Variants in ACYP1 observed in about 807,000 individuals in gnomAD.
ACYP1 encodes the protein acylphosphatase-1.
A neutral mutation model predicts 10.4 loss-of-function variants in ACYP1; 8 were observed. The ratio of observed to expected loss-of-function variants is 0.77; its 90% confidence interval spans 0.45 to 1.38. The LOEUF (loss-of-function observed/expected upper bound fraction) is 1.38, where lower values mean the gene tolerates loss of function less well. ACYP1 is among the 40% of genes most tolerant of loss of function. The pLI, the probability that ACYP1 is intolerant of heterozygous loss-of-function variation, is 0.00. For missense variants in ACYP1, 93 were observed against 117.3 expected, an observed-to-expected ratio of 0.79 and a Z score of 0.96; for synonymous variants, 38 against 40.8, an observed-to-expected ratio of 0.93 and a Z score of 0.26.
intron 2 of ACYP1, among the ~76,000 whole-genome samples, chr14:75,059,027 G>A (rs575845797): frequency 3.3e-5 from 5 of 151,618 alleles, no homozygotes; most frequent in South Asian, 2.1e-4. Flanking sequence ...GTGAAACCCC[G>A]TCGCTACTAA....
At chr14:75,065,754 A>G (rs960142168), upstream of ACYP1, among the ~76,000 whole-genome samples, 1 of 152,260 alleles carries the variant, frequency 6.6e-6, no homozygotes, top group East Asian at 1.9e-4. Context: ...AAGGACAGAA[A>G]ATATTACAAA....
intron 2 of ACYP1, among the ~76,000 whole-genome samples, chr14:75,056,057 C>T (rs1187765828): frequency 3.3e-5 from 5 of 151,090 alleles, no homozygotes; most frequent in Admixed American, 3.3e-4. Context: ...AGACAAACAA[C>T]CAAAACTGAA....
chr14:75,063,965 TC>T lies in ACYP1; in HGVS notation c.-21del. The T allele has an allele frequency of 1.0e-6, 1 of 996,752 alleles. No individual in the cohort carries two copies. The highest frequency in any genetic ancestry group is 1.2e-6 in the Non-Finnish European group (1 of 836,214). 61.7% of individuals were successfully genotyped at this position (996,752 alleles called of 1,614,324 possible). A position where few individuals can be genotyped will look rare whatever the true frequency, so the allele number is the denominator to read the frequency against. On this transcript the variant is annotated 5_prime_UTR_variant, in exon 1 of 3. Coordinates refer to ENST00000238618, the MANE Select transcript of ACYP1 (RefSeq NM_001107.5). The stretch of plus-strand genomic sequence containing the variant: ...CCCTGGCGGCTCACCCTCCTTGTCT[TC>T]CCCACCGGCTGCCAGGATCACTCCG...
At chr14:75,062,119 A>G (rs1311851566) in intron 2 of ACYP1, among the ~76,000 whole-genome samples, 4 of 149,682 alleles carry the variant, frequency 2.7e-5, no homozygotes, top group Non-Finnish European at 5.9e-5. Flanking sequence ...AAAAAAAAAA[A>G]AAAAAGAAAA....
intron 2 of ACYP1, among the ~76,000 whole-genome samples, chr14:75,062,739 T>C (rs950700783): frequency 6.7e-6 from 1 of 148,340 alleles, no homozygotes; most frequent in African/African-American, 2.5e-5. Flanking sequence ...GGGAAGGCAA[T>C]AGCCAATACC....
chr14:75,066,732 C>G (rs778508648), upstream of ACYP1, among the ~76,000 whole-genome samples: 1 of 152,080 alleles, frequency 6.6e-6, no homozygotes, highest in South Asian at 2.1e-4. Context: ...CACACCTGTA[C>G]TTCCAGCTAC....
At chr14:75,061,372 A>G (rs1893011580) in intron 2 of ACYP1, among the ~76,000 whole-genome samples, 1 of 152,238 alleles carries the variant, frequency 6.6e-6, no homozygotes, top group South Asian at 2.1e-4. Flanking sequence ...AGGAATTTAA[A>G]TAAGAGGCTA....
intron 2 of ACYP1, chr14:75,060,030 A>G: frequency 2.5e-6 from 1 of 395,278 alleles, no homozygotes; most frequent in Non-Finnish European, 4.5e-6. Context: ...TTCTGTAGAT[A>G]AACAGAACAA....
chr14:75,060,406 C>A, intron 2 of ACYP1: 1 of 513,910 alleles, frequency 1.9e-6, no homozygotes, highest in South Asian at 3.1e-5. Context: ...TATGGTATAG[C>A]TACTTTGGAA....
At chr14:75,059,652 C>T (rs570121656) in intron 2 of ACYP1, among the ~76,000 whole-genome samples, 3 of 152,294 alleles carry the variant, frequency 2.0e-5, no homozygotes, top group Admixed American at 6.5e-5. Context: ...ATGGACATTT[C>T]TTCAAAGCAG....
chr14:75,054,343 C>T (rs545016314), intron 2 of ACYP1, among the ~76,000 whole-genome samples: 16 of 148,396 alleles, frequency 1.1e-4, no homozygotes, highest in African/African-American at 2.6e-4. Context: ...ACTTCACTTT[C>T]TTCTCTTCTG....
chr14:75,061,273 C>T (rs1262203776), intron 2 of ACYP1, among the ~76,000 whole-genome samples: 2 of 152,074 alleles, frequency 1.3e-5, no homozygotes, highest in Non-Finnish European at 2.9e-5. Context: ...AAATTATACA[C>T]TTTAGGAGGA....
rs1268910343 is a variant in ACYP1, at chr14:75,053,532, C to G, written c.212G>C (p.Ser71Thr). Residue 71 changes from serine to threonine, a missense_variant, in exon 3 of 3, where the codon AGT (serine) becomes ACT (threonine). By Grantham distance (58) the Ser-to-Thr change is moderately conservative. Coordinates refer to ENST00000238618, the MANE Select transcript of ACYP1 (RefSeq NM_001107.5). ...TGCTTTGTCGATGTGTGATTTAGGA[C>G]TTCCTCTTGTTTCAAGCCATTCCTG... ...HMQEWLETRG[S>T]PKSHIDKANF... 6.2e-7 allele frequency: 1 copy of G among 1,614,034 alleles called. No individual in the cohort carries two copies. Among genetic ancestry groups the G allele is most frequent in the Admixed American group, 1.7e-5 (1 of 59,982 alleles).
chr14:75,062,199 C>T lies in ACYP1; in HGVS notation c.84+1271G>A, dbSNP rs373608078. On this transcript the variant is annotated intron_variant, in intron 2 of 2. Coordinates refer to ENST00000238618, the MANE Select transcript of ACYP1 (RefSeq NM_001107.5). ...TAATCCCAGCACACTGGTGGGAGGC[C>T]GAGGCAGAAGGATCACTTGAGCCTG... 1.4e-4 allele frequency among the ~76,000 whole-genome samples: 20 copies of T among 146,794 alleles called. 1 individual carries two copies. Among genetic ancestry groups the T allele is most frequent in the Admixed American group, 7.5e-4 (11 of 14,724 alleles).
intron 2 of ACYP1, among the ~76,000 whole-genome samples, chr14:75,062,616 C>T (rs1259333707): frequency 1.4e-5 from 2 of 143,298 alleles, no homozygotes; most frequent in African/African-American, 2.6e-5. Context: ...GAGTTCAAGA[C>T]CAGCCTGGCC....
upstream of ACYP1, chr14:75,064,102 C>G: frequency 1.1e-6 from 1 of 926,712 alleles, no homozygotes; most frequent in Non-Finnish European, 1.3e-6. Flanking sequence ...GCTGACCAAT[C>G]AGAGACGGCG....
rs757971962 is a variant in ACYP1 at position 75,069,278 on chromosome 14, G to C, written c.14C>G (p.Ala5Gly). The C allele has an allele frequency of 2.1e-5, 30 of 1,448,182 alleles. No individual in the cohort carries two copies. The South Asian group carries it at 3.5e-4, about 17-fold the overall frequency. 89.7% of individuals were successfully genotyped at this position (1,448,182 alleles called of 1,614,324 possible). Residue 5 changes from alanine (A) to glycine (G), a missense_variant, in exon 1 of 3, where the codon GCC becomes GGC. Physicochemically the swap from Ala to Gly is moderately conservative, Grantham distance 60. Coordinates refer to the ACYP1 transcript ENST00000555463. ...CAGCAGCCCCGCTCCCGCCAGGCGG[G>C]CGGACGCCGGCATCCTGCGGCGGAA...
intron 2 of ACYP1, 46 bp downstream of exon 2, chr14:75,063,424 A>G (rs911826573): frequency 4.6e-6 from 7 of 1,519,930 alleles, no homozygotes; most frequent in Admixed American, 1.7e-5. Flanking sequence ...CCTTGTTCCT[A>G]TGCCCACAAC....
chr14:75,061,391 C>T (rs551636681), intron 2 of ACYP1, among the ~76,000 whole-genome samples: 2 of 152,094 alleles, frequency 1.3e-5, no homozygotes, highest in Non-Finnish European at 2.9e-5. Flanking sequence ...TAGATAATAT[C>T]AACAGCAAAC....
Sources: allele counts gnomAD v4.1 joint callset (sites outside exome capture counted in the v4.1 genomes callset), GRCh38; gene constraint gnomAD v4.1.1; transcripts MANE v1.5; gene names NCBI Gene and HGNC (gene_info 2026-07-23, HGNC 2026-07-21).